The following NETO1 variants were observed in gnomAD, a reference collection of about 807,000 sequenced individuals.
NETO1 encodes neuropilin and tolloid like 1, also known as neuropilin and tolloid-like protein 1.
Under a neutral mutation model 61.3 loss-of-function variants are expected in NETO1, and 26 were observed. That is an observed-to-expected ratio of 0.42 (90% CI 0.31 to 0.59). NETO1 has a LOEUF of 0.59. Among genes scored for constraint, NETO1 ranks in the 20% least tolerant of loss-of-function variants. NETO1 has a pLI of 0.12. For synonymous variants in NETO1, 225 were observed against 225.8 expected, an observed-to-expected ratio of 1.00 and a Z score of 0.03; for missense variants, 531 against 662.8, an observed-to-expected ratio of 0.80 and a Z score of 2.18.
chr18:72,862,664 G>C (rs9945266), intron 3 of NETO1, among the ~76,000 whole-genome samples: 3 of 137,132 alleles, frequency 2.2e-5, no homozygotes, highest in Non-Finnish European at 4.6e-5. Context: ...TCTGTCACCC[G>C]GGCTGGAGCG....
chr18:72,817,021 G>A (rs540560849), intron 4 of NETO1, among the ~76,000 whole-genome samples: 90 of 152,266 alleles, frequency 5.9e-4, no homozygotes, highest in Non-Finnish European at 9.0e-4. Context: ...CCTCCGGTAC[G>A]TCTATATTCA....
intron 4 of NETO1, among the ~76,000 whole-genome samples, chr18:72,802,123 A>C (rs1313657433): frequency 6.6e-6 from 1 of 152,046 alleles, no homozygotes; most frequent in Non-Finnish European, 1.5e-5. Context: ...TTTTATTCTG[A>C]AAGTTTGATT....
At chr18:72,784,042 AAAG>A (rs1400918823) in intron 6 of NETO1, 136 bp from the exon 7 acceptor site, 14 of 648,834 alleles carry the variant, frequency 2.2e-5, no homozygotes, top group African/African-American at 7.3e-5. Flanking sequence ...TTGTGAATAG[AAAG>A]AAGATGTACG....
rs529497306 is a variant in NETO1, at chr18:72,805,226, C to T, written c.470-10822G>A. Among the ~76,000 whole-genome samples, 102 of 152,186 alleles carry T rather than the reference C, an allele frequency of 6.7e-4. 1 individual carries two copies. The highest frequency in any genetic ancestry group is 2.4e-3 in the African/African-American group (101 of 41,542). On this transcript the variant is annotated intron_variant, in intron 4 of 10. Coordinates refer to ENST00000327305, the MANE Select transcript of NETO1 (RefSeq NM_138966.5). The stretch of plus-strand genomic sequence containing the variant: ...TTTATGTTACAAAAGAGAATGCAGA[C>T]TTTAGAATCAATTTGTATTTTTAAG...
intron 4 of NETO1, among the ~76,000 whole-genome samples, chr18:72,826,659 CTG>C (rs2073383412): frequency 1.3e-5 from 2 of 152,148 alleles, no homozygotes; most frequent in South Asian, 4.1e-4. Context: ...GACAGGTTCA[CTG>C]TGTGCTGGTG....
intron 4 of NETO1, among the ~76,000 whole-genome samples, chr18:72,809,698 T>C (rs1246337857): frequency 6.6e-6 from 1 of 152,252 alleles, no homozygotes; most frequent in African/African-American, 2.4e-5. Flanking sequence ...TGTAGCCTCA[T>C]TGGCTATTCT....
At chr18:72,767,669 T>C (rs1568182903) in intron 7 of NETO1, among the ~76,000 whole-genome samples, 2 of 152,070 alleles carry the variant, frequency 1.3e-5, no homozygotes, top group Admixed American at 6.6e-5. Flanking sequence ...AGAATACTTT[T>C]GACAGTTGTT....
intron 4 of NETO1, among the ~76,000 whole-genome samples, chr18:72,858,032 AT>A (rs1252316791): frequency 6.6e-6 from 1 of 152,204 alleles, no homozygotes; most frequent in African/African-American, 2.4e-5. Context: ...AAATAAAACA[AT>A]ACATACAAAC....
chr18:72,750,270 T>C lies in NETO1; in HGVS notation c.1333A>G (p.Ser445Gly). 1 of 1,614,100 alleles carries C rather than the reference T, an allele frequency of 6.2e-7. No individual in the cohort carries two copies. The highest frequency in any genetic ancestry group is 8.5e-7 in the Non-Finnish European group (1 of 1,179,978). ...GAAGCATCTCTTGTGCTGAGGTTACTGCGGCTGCCTTTAGTGCTGGACAGC... is the reference window on the plus strand; with the variant it reads ...GAAGCATCTCTTGTGCTGAGGTTACCGCGGCTGCCTTTAGTGCTGGACAGC... ...SQLSSTKGSR[S>G]NLSTRDASIL... The change falls in exon 9 of 11, where the codon AGT becomes GGT. Residue 445 changes from serine to glycine, a missense_variant. Coordinates refer to ENST00000327305, the MANE Select transcript of NETO1 (RefSeq NM_138966.5).
chr18:72,826,943 G>A (rs373427083), intron 4 of NETO1, among the ~76,000 whole-genome samples: 2 of 152,192 alleles, frequency 1.3e-5, no homozygotes, highest in African/African-American at 2.4e-5. Flanking sequence ...AACAGTGCCC[G>A]CGCTGTTCTG....
chr18:72,798,820 G>A (rs2072406332), intron 4 of NETO1, among the ~76,000 whole-genome samples: 1 of 152,150 alleles, frequency 6.6e-6, no homozygotes. Flanking sequence ...AATACCAAGA[G>A]TCCTACTTAA....
At chr18:72,837,388 G>A (rs1478184858) in intron 4 of NETO1, among the ~76,000 whole-genome samples, 1 of 152,080 alleles carries the variant, frequency 6.6e-6, no homozygotes, top group Non-Finnish European at 1.5e-5. Context: ...TCATTGCATT[G>A]GTCAGTAAAA....
chr18:72,779,095 G>A (rs1322589738), intron 7 of NETO1, among the ~76,000 whole-genome samples: 5 of 152,094 alleles, frequency 3.3e-5, no homozygotes, highest in African/African-American at 1.2e-4. Context: ...TAGGCACCAG[G>A]AAAAATATCC....
chr18:72,778,171 T>A (rs1165047654), intron 7 of NETO1, among the ~76,000 whole-genome samples: 4 of 152,178 alleles, frequency 2.6e-5, no homozygotes, highest in Non-Finnish European at 5.9e-5. Flanking sequence ...CCCTAAACAC[T>A]GGCCCTCTGG....
chr18:72,795,698 G>C (rs145374962), intron 4 of NETO1, among the ~76,000 whole-genome samples: 27 of 151,968 alleles, frequency 1.8e-4, no homozygotes, highest in African/African-American at 6.3e-4. Flanking sequence ...TTGTCAAATG[G>C]CTAAATCAAG....
intron 3 of NETO1, among the ~76,000 whole-genome samples, chr18:72,863,439 A>C (rs1391969972): frequency 6.6e-6 from 1 of 152,220 alleles, no homozygotes; most frequent in African/African-American, 2.4e-5. Context: ...AAAAAGGGAC[A>C]TAGTCCCCAG....
intron 4 of NETO1, among the ~76,000 whole-genome samples, chr18:72,843,577 A>G (rs1273856631): frequency 6.6e-6 from 1 of 152,128 alleles, no homozygotes; most frequent in Non-Finnish European, 1.5e-5. Flanking sequence ...GTCATTTCAT[A>G]TGCGGTGTAG....
At chr18:72,865,709 A>C in intron 1 of NETO1, 5 of 1,533,516 alleles carry the variant, frequency 3.3e-6, no homozygotes, top group Non-Finnish European at 3.5e-6. Context: ...TATTTTAGAA[A>C]ATAAATACTT....
intron 4 of NETO1, among the ~76,000 whole-genome samples, chr18:72,846,989 T>C (rs1214507969): frequency 6.6e-6 from 1 of 152,246 alleles, no homozygotes; most frequent in Non-Finnish European, 1.5e-5. Context: ...AAACGGAAGT[T>C]GGAGAATGTT....
Sources: gnomAD v4.1 joint callset for allele counts (sites outside exome capture counted in the v4.1 genomes callset) on GRCh38, gnomAD v4.1.1 for gene constraint, MANE v1.5 for transcripts, NCBI Gene and HGNC (gene_info 2026-07-23, HGNC 2026-07-21) for gene names.